The following DIP2C variants were observed in gnomAD, a reference collection of about 807,000 sequenced individuals.
DIP2C encodes disco-interacting protein 2 homolog C.
A neutral mutation model predicts 192.4 loss-of-function variants in DIP2C; 33 were observed. The observed-to-expected ratio is 0.17, with a 90% CI of 0.13 to 0.23. The LOEUF (loss-of-function observed/expected upper bound fraction) is 0.23, where lower values mean the gene tolerates loss of function less well. DIP2C is among the 10% of genes least tolerant of loss of function. DIP2C has a pLI of 1.00. For missense variants in DIP2C, 1,537 were observed against 2,110.1 expected, an observed-to-expected ratio of 0.73 and a Z score of 5.32; for synonymous variants, 979 against 864.1, an observed-to-expected ratio of 1.13 and a Z score of -2.33.
intron 1 of DIP2C, among the ~76,000 whole-genome samples, chr10:644,161 T>C (rs1256824782): frequency 6.6e-6 from 1 of 152,242 alleles, no homozygotes; most frequent in Non-Finnish European, 1.5e-5. Context: ...TTGCCAAGGC[T>C]GTCCTGAAGT....
intron 18 of DIP2C, among the ~76,000 whole-genome samples, chr10:367,732 T>C (rs1960444248): frequency 1.3e-5 from 2 of 152,188 alleles, no homozygotes; most frequent in Non-Finnish European, 2.9e-5. Flanking sequence ...CCCCACAAGG[T>C]AGCACTGTGC....
intron 4 of DIP2C, among the ~76,000 whole-genome samples, chr10:423,779 T>TA (rs1294434701): frequency 3.3e-5 from 5 of 152,076 alleles, no homozygotes; most frequent in African/African-American, 1.2e-4. Flanking sequence ...CTGATGATGG[T>TA]AACAGGAGAG....
chr10:588,722 G>A (rs985615974), intron 1 of DIP2C, among the ~76,000 whole-genome samples: 5 of 152,216 alleles, frequency 3.3e-5, no homozygotes, highest in African/African-American at 4.8e-5. Context: ...TCCCGCAGGC[G>A]GGGAGGGTGG....
chr10:288,983 C>T (rs900244593), intron 32 of DIP2C, among the ~76,000 whole-genome samples: 4 of 152,216 alleles, frequency 2.6e-5, no homozygotes, highest in Admixed American at 6.5e-5. Flanking sequence ...CCAAGGACAT[C>T]GCAGCAGGCC....
At chr10:608,156 ACCCCCACAGCCC>A (rs1192402234) in intron 1 of DIP2C, among the ~76,000 whole-genome samples, 1 of 13,826 alleles carries the variant, frequency 7.2e-5, no homozygotes, top group Non-Finnish European at 1.1e-4. Flanking sequence ...CCCCACACAC[ACCCCCACAGCCC>A]CCCCCACACA....
intron 2 of DIP2C, among the ~76,000 whole-genome samples, chr10:473,796 AAG>A (rs1358335925): frequency 6.6e-6 from 1 of 152,268 alleles, no homozygotes; most frequent in Non-Finnish European, 1.5e-5. Context: ...AAGTTAACAA[AAG>A]AAATATTTAG....
intron 1 of DIP2C, among the ~76,000 whole-genome samples, chr10:628,469 C>T (rs1025225846): frequency 1.2e-4 from 19 of 152,240 alleles, no homozygotes; most frequent in Admixed American, 2.6e-4. Flanking sequence ...CTGTTGGCAA[C>T]GGGCATCATG....
chr10:301,072 A>G (rs1461128860), intron 32 of DIP2C, among the ~76,000 whole-genome samples: 1 of 152,178 alleles, frequency 6.6e-6, no homozygotes, highest in Non-Finnish European at 1.5e-5. Flanking sequence ...AGCAGCATCC[A>G]CTGGCACTGA....
In DIP2C at chr10:517,978, G is replaced by A. The variant is rs769836319; in HGVS notation, c.86-31448C>T. Among the ~76,000 whole-genome samples, 24 of 152,186 alleles carry A rather than the reference G, an allele frequency of 1.6e-4. 1 individual carries two copies. The highest frequency in any genetic ancestry group is 1.7e-4 in the African/African-American group (7 of 41,458). ...CCTACACCTCCACAGGAAACTCAAC[G>A]TTTCATCAAGGAAAGGCAGCATGAT... On this transcript the variant is annotated intron_variant, in intron 1 of 36. Transcript: ENST00000280886.
At chr10:496,977 A>G (rs1844881129) in intron 1 of DIP2C, among the ~76,000 whole-genome samples, 1 of 152,176 alleles carries the variant, frequency 6.6e-6, no homozygotes, top group African/African-American at 2.4e-5. Context: ...ACAAAAAGTT[A>G]GCCAGGTGTG....
At chr10:561,977 T>A (rs1849245187) in intron 1 of DIP2C, among the ~76,000 whole-genome samples, 1 of 152,248 alleles carries the variant, frequency 6.6e-6, no homozygotes, top group African/African-American at 2.4e-5. Flanking sequence ...GCCGTGCACC[T>A]GTTCCTACAA....
chr10:607,627 C>T (rs2131738731), intron 1 of DIP2C, among the ~76,000 whole-genome samples: 1 of 152,222 alleles, frequency 6.6e-6, no homozygotes, highest in Non-Finnish European at 1.5e-5. Context: ...CGACTTACAA[C>T]GGGTTCATCC....
intron 31 of DIP2C, among the ~76,000 whole-genome samples, chr10:321,476 T>C (rs554531169): frequency 6.7e-4 from 102 of 152,088 alleles, no homozygotes; most frequent in African/African-American, 2.2e-3. Context: ...GATAAAACTC[T>C]TCCCTCTCTC....
At chr10:478,575 C>CA (rs1843352449) in intron 2 of DIP2C, among the ~76,000 whole-genome samples, 1 of 151,620 alleles carries the variant, frequency 6.6e-6, no homozygotes, top group African/African-American at 2.4e-5. Context: ...GTCTTATTCC[C>CA]ACTCATCCCG....
At chr10:395,955 C>T (rs776171812) in intron 10 of DIP2C, among the ~76,000 whole-genome samples, 4 of 152,198 alleles carry the variant, frequency 2.6e-5, no homozygotes, top group East Asian at 3.9e-4. Context: ...AGAGTCCCCC[C>T]GAGATGCCCC....
chr10:585,381 A>G (rs1252320211), intron 1 of DIP2C, among the ~76,000 whole-genome samples: 2 of 152,366 alleles, frequency 1.3e-5, no homozygotes, highest in South Asian at 4.1e-4. Flanking sequence ...TCCCAAACAC[A>G]CACAGCCCTG....
At chr10:553,210 G>A (rs117217786) in intron 1 of DIP2C, among the ~76,000 whole-genome samples, 1,976 of 152,228 alleles carry the variant, frequency 0.013, 24 homozygotes, top group Middle Eastern at 0.044. Context: ...CTTCTCCCTC[G>A]TCCCTGCACC....
At chr10:498,209 C>T (rs1251730851) in intron 1 of DIP2C, among the ~76,000 whole-genome samples, 1 of 152,208 alleles carries the variant, frequency 6.6e-6, no homozygotes, top group Admixed American at 6.5e-5. Flanking sequence ...TTTTCCCAAC[C>T]TCTTGCTATC....
rs141697152 is a variant in DIP2C, at chr10:364,066, G to C, written c.2477+308C>G. Among the ~76,000 whole-genome samples the C allele has an allele frequency of 2.2e-3, 330 of 152,196 alleles. 1 individual carries two copies. Among genetic ancestry groups the C allele is most frequent in the Admixed American group, 4.4e-3 (68 of 15,284 alleles). On this transcript the variant is annotated intron_variant, in intron 20 of 36. Transcript: ENST00000280886. Reference sequence around the variant, plus strand: ...GGGTCTCTCCAACCCGCTCCACGATGGATATCTGGATCTTTAATTTGTGCA... The same window carrying C: ...GGGTCTCTCCAACCCGCTCCACGATCGATATCTGGATCTTTAATTTGTGCA...
Sources: allele counts gnomAD v4.1 joint callset (sites outside exome capture counted in the v4.1 genomes callset), GRCh38; gene constraint gnomAD v4.1.1; transcripts MANE v1.5; gene names NCBI Gene and HGNC (gene_info 2026-07-23, HGNC 2026-07-21).